Variants in NALCN observed in about 807,000 individuals in gnomAD.
NALCN encodes the protein sodium leak channel NALCN.
NALCN carries 111 observed loss-of-function variants against 225.3 expected under a neutral mutation model. The observed-to-expected ratio is 0.49, with a 90% CI of 0.42 to 0.58. NALCN has a LOEUF of 0.58. Ranked by LOEUF, NALCN falls within the 20% of genes least tolerant of loss-of-function variation. The probability of loss-of-function intolerance (pLI) is 0.00; values close to 1 mark genes in which losing one functional copy is unlikely to be tolerated. For missense variants in NALCN, 1,378 were observed against 2,202.4 expected, an observed-to-expected ratio of 0.63 and a Z score of 7.49; for synonymous variants, 764 against 769.0, an observed-to-expected ratio of 0.99 and a Z score of 0.11.
chr13:101,172,727 T>C (rs1248868782), intron 15 of NALCN, among the ~76,000 whole-genome samples: 2 of 140,042 alleles, frequency 1.4e-5, no homozygotes, highest in Non-Finnish European at 1.7e-5. Flanking sequence ...GCGCAGCTAA[T>C]TTTTTTGTTT....
chr13:101,182,739 G>C (rs2039289975), intron 14 of NALCN, among the ~76,000 whole-genome samples: 1 of 152,112 alleles, frequency 6.6e-6, no homozygotes, highest in Non-Finnish European at 1.5e-5. Context: ...ACTGAAGTCT[G>C]ACCCAAGGCT....
At chr13:101,188,565 T>TAC (rs1019112282) in intron 14 of NALCN, among the ~76,000 whole-genome samples, 1 of 151,574 alleles carries the variant, frequency 6.6e-6, no homozygotes, top group Non-Finnish European at 1.5e-5. Flanking sequence ...TACATATATA[T>TAC]ACACACACAT....
chr13:101,226,342 A>G (rs982761559), intron 13 of NALCN, among the ~76,000 whole-genome samples: 11 of 151,984 alleles, frequency 7.2e-5, no homozygotes, highest in African/African-American at 2.7e-4. Flanking sequence ...CACTTCCTAC[A>G]CCCTTAAATA....
At chr13:101,080,298 C>T (rs2033540066) in intron 34 of NALCN, among the ~76,000 whole-genome samples, 1 of 151,978 alleles carries the variant, frequency 6.6e-6, no homozygotes, top group South Asian at 2.1e-4. Flanking sequence ...TTACTGAGCA[C>T]TTAAAATGTG....
intron 27 of NALCN, among the ~76,000 whole-genome samples, chr13:101,097,085 C>T (rs1392962840): frequency 1.3e-5 from 2 of 152,124 alleles, no homozygotes; most frequent in African/African-American, 2.4e-5. Context: ...ATTCTTACTA[C>T]GATGAGTTTA....
At chr13:101,284,983 A>G (rs970173957) in intron 9 of NALCN, among the ~76,000 whole-genome samples, 5 of 152,200 alleles carry the variant, frequency 3.3e-5, no homozygotes, top group Non-Finnish European at 5.9e-5. Context: ...GTTTTTCTAA[A>G]TAATGATACT....
chr13:101,410,661 A>G (rs2047754387), intron 1 of NALCN, among the ~76,000 whole-genome samples: 1 of 152,216 alleles, frequency 6.6e-6, no homozygotes, highest in Non-Finnish European at 1.5e-5. Flanking sequence ...AAAGAAAGGA[A>G]GCAAAACGAT....
chr13:101,258,804 A>T (rs2042323714), intron 10 of NALCN, among the ~76,000 whole-genome samples: 1 of 152,230 alleles, frequency 6.6e-6, no homozygotes, highest in Non-Finnish European at 1.5e-5. Context: ...TTTTGACTAA[A>T]AATGGAAAAC....
intron 20 of NALCN, among the ~76,000 whole-genome samples, chr13:101,109,528 C>G (rs780481538): frequency 3.9e-5 from 6 of 152,172 alleles, no homozygotes; most frequent in African/African-American, 9.7e-5. Context: ...AAGAGAAAAA[C>G]GAAATAACCC....
chr13:101,344,539 C>A (rs928439674), intron 7 of NALCN, among the ~76,000 whole-genome samples: 1 of 152,098 alleles, frequency 6.6e-6, no homozygotes, highest in Non-Finnish European at 1.5e-5. Flanking sequence ...ACTCTGATAA[C>A]AATTCTCAAG....
At chr13:101,332,926 C>G (rs1275909918) in intron 7 of NALCN, among the ~76,000 whole-genome samples, 1 of 152,202 alleles carries the variant, frequency 6.6e-6, no homozygotes, top group Non-Finnish European at 1.5e-5. Flanking sequence ...GCTGTAAGAA[C>G]TACTACAAGT....
intron 7 of NALCN, among the ~76,000 whole-genome samples, chr13:101,310,544 C>T (rs1250324836): frequency 2.0e-5 from 3 of 152,086 alleles, no homozygotes; most frequent in Non-Finnish European, 4.4e-5. Flanking sequence ...GCAATTCCTG[C>T]TCACACCTTC....
At chr13:101,271,659 C>A (rs889992675) in intron 10 of NALCN, among the ~76,000 whole-genome samples, 7 of 151,338 alleles carry the variant, frequency 4.6e-5, no homozygotes, top group Admixed American at 4.6e-4. Context: ...TGTGAGCATG[C>A]ATGATTATGT....
At chr13:101,241,315 TG>T (rs2041750458) in intron 11 of NALCN, among the ~76,000 whole-genome samples, 1 of 152,254 alleles carries the variant, frequency 6.6e-6, no homozygotes, top group Non-Finnish European at 1.5e-5. Flanking sequence ...CTTAGAAATT[TG>T]GGTCCCCCTT....
At chr13:101,402,198 A>G (rs184769170) in intron 1 of NALCN, among the ~76,000 whole-genome samples, 35 of 152,356 alleles carry the variant, frequency 2.3e-4, no homozygotes, top group Non-Finnish European at 8.8e-5. Flanking sequence ...TTCATAAGAC[A>G]GTACACAAAG....
chr13:101,411,095 A>G (rs1316133179), intron 1 of NALCN, among the ~76,000 whole-genome samples: 3 of 152,166 alleles, frequency 2.0e-5, no homozygotes, highest in Non-Finnish European at 2.9e-5. Context: ...GTAGATCAAT[A>G]TTCCTCCCAG....
At chr13:101,387,509 A>T (rs2139459343) in intron 3 of NALCN, among the ~76,000 whole-genome samples, 1 of 152,332 alleles carries the variant, frequency 6.6e-6, no homozygotes, top group Non-Finnish European at 1.5e-5. Context: ...TAACGTTCCT[A>T]TTTATGTATG....
At chr13:101,212,638 A>C (rs2040568493) in intron 13 of NALCN, among the ~76,000 whole-genome samples, 1 of 152,188 alleles carries the variant, frequency 6.6e-6, no homozygotes, top group Non-Finnish European at 1.5e-5. Context: ...ATTTTGTGAA[A>C]GATGATTTTC....
chr13:101,226,921 T>C (rs994770538), intron 13 of NALCN, among the ~76,000 whole-genome samples: 1 of 152,186 alleles, frequency 6.6e-6, no homozygotes, highest in African/African-American at 2.4e-5. Flanking sequence ...TCCTTCCTTA[T>C]GCTTCCCCTC....
Sources: gnomAD v4.1 joint callset for allele counts (sites outside exome capture counted in the v4.1 genomes callset) on GRCh38, gnomAD v4.1.1 for gene constraint, MANE v1.5 for transcripts, NCBI Gene and HGNC (gene_info 2026-07-23, HGNC 2026-07-21) for gene names.